ECT2: variants seen among roughly 807,000 people sequenced by gnomAD.
ECT2 encodes the protein epithelial cell transforming 2, also known as protein ECT2.
ECT2 carries 61 observed loss-of-function variants against 116.9 expected under a neutral mutation model. The ratio of observed to expected loss-of-function variants is 0.52; its 90% CI spans 0.42 to 0.65. The LOEUF (loss-of-function observed/expected upper bound fraction) is 0.65. Among genes scored for constraint, ECT2 ranks in the 30% least tolerant of loss-of-function variants. The pLI, the probability that ECT2 is intolerant of heterozygous loss-of-function variation, is 0.00. For missense variants in ECT2, 937 were observed against 1,078.7 expected (o/e 0.87, Z 1.84); for synonymous variants, 358 against 346.4 (o/e 1.03, Z -0.37).
At chr3:172,767,447 AAAG>A (rs1719686778) in intron 12 of ECT2, among the ~76,000 whole-genome samples, 1 of 152,192 alleles carries the variant, frequency 6.6e-6, no homozygotes, top group Non-Finnish European at 1.5e-5. Flanking sequence ...TCTCCAAAAA[AAAG>A]CACTCAGAAC....
intron 13 of ECT2, among the ~76,000 whole-genome samples, chr3:172,773,580 C>T (rs756894896): frequency 2.0e-5 from 3 of 152,170 alleles, no homozygotes; most frequent in Non-Finnish European, 2.9e-5. Flanking sequence ...TTGCTTTCAT[C>T]CTTAGTAACT....
At chr3:172,791,112 C>T (rs1410356579) in intron 18 of ECT2, among the ~76,000 whole-genome samples, 2 of 152,204 alleles carry the variant, frequency 1.3e-5, no homozygotes, top group Non-Finnish European at 2.9e-5. Flanking sequence ...CAAAATTGCA[C>T]CACTGTACTC....
intron 14 of ECT2, among the ~76,000 whole-genome samples, chr3:172,779,077 T>C (rs1215370975): frequency 6.6e-6 from 1 of 152,194 alleles, no homozygotes; most frequent in Non-Finnish European, 1.5e-5. Flanking sequence ...CCCTAACAGA[T>C]AGTTATGCTC....
At position 172,761,631 on chromosome 3, in the gene ECT2, C is replaced by G. The variant is rs768968250; in HGVS notation, c.706C>G (p.Pro236Ala). 46 of 1,610,786 alleles carry G rather than the reference C, an allele frequency of 2.9e-5. No individual in the cohort carries two copies. The highest frequency in any genetic ancestry group is 6.7e-5 in the Admixed American group (4 of 59,818). ...KFRVAVSLGT[P>A]IMKPEWIYKA... ...TTAGGTTGCTGTGAGTCTAGGTACT[C>G]CAATTATGAAGCCAGAATGGATTTA... The change falls in exon 8 of 25, where the codon CCA becomes GCA. Residue 236 changes from proline (P) to alanine (A), a missense_variant. Pro to Ala is a conservative substitution (Grantham distance 27). Coordinates refer to ENST00000392692, the MANE Select transcript of ECT2 (RefSeq NM_001258315.2).
rs1560247791 is a variant in ECT2, at chr3:172,759,058, A to G, written c.565A>G (p.Lys189Glu). Residue 189 changes from lysine (K) to glutamate (E), a missense_variant, in exon 6 of 25, where the codon AAA becomes GAA. Physicochemically the swap from Lys to Glu is moderately conservative, Grantham distance 56. Transcript: ENST00000392692. ...ACTATGCTTTACTGGATTTAGGAAAAAAGAAGAACTAGTAAGTATTACGAA... is the reference window on the plus strand; with the variant it reads ...ACTATGCTTTACTGGATTTAGGAAAGAAGAAGAACTAGTAAGTATTACGAA... ...LVLCFTGFRK[K>E]EELVRLVTLV... is the part of the protein sequence containing the mutation. 6.3e-7 allele frequency: 1 copy of G among 1,594,938 alleles called. No homozygotes were observed.
intron 15 of ECT2, among the ~76,000 whole-genome samples, chr3:172,783,465 A>G (rs1242443282): frequency 6.6e-6 from 1 of 152,124 alleles, no homozygotes; most frequent in Non-Finnish European, 1.5e-5. Context: ...TGCTTTTGGA[A>G]TCTACATAGA....
intron 24 of ECT2, among the ~76,000 whole-genome samples, chr3:172,817,256 C>T (rs774939885): frequency 7.9e-5 from 12 of 152,168 alleles, no homozygotes; most frequent in Middle Eastern, 6.8e-3. Context: ...TCCTATCATA[C>T]GTCATTTTTT....
chr3:172,783,362 C>T (rs908236738), intron 15 of ECT2, among the ~76,000 whole-genome samples: 9 of 152,066 alleles, frequency 5.9e-5, no homozygotes, highest in African/African-American at 1.9e-4. Context: ...TTAATTTTCT[C>T]AGTCAGCCAA....
chr3:172,771,870 C>T (rs188361660), intron 13 of ECT2, among the ~76,000 whole-genome samples: 30 of 152,232 alleles, frequency 2.0e-4, no homozygotes, highest in African/African-American at 4.1e-4. Context: ...TTTTCATTTT[C>T]GTAATGACTA....
chr3:172,802,412 C>T (rs907923382), intron 18 of ECT2, among the ~76,000 whole-genome samples: 10 of 152,100 alleles, frequency 6.6e-5, no homozygotes, highest in Non-Finnish European at 1.3e-4. Flanking sequence ...CGCACCTGGC[C>T]GGAAGTTGCT....
At chr3:172,757,251 T>A in intron 5 of ECT2, 86 bp downstream of exon 5, 1 of 1,069,622 alleles carries the variant, frequency 9.3e-7, no homozygotes, top group South Asian at 2.2e-5. Context: ...TGGAAAAATC[T>A]CATTGATTGC....
At chr3:172,828,724 T>G in the ECT2 span, 1 of 499,694 alleles carries the variant, frequency 2.0e-6, no homozygotes, top group Non-Finnish European at 3.7e-6. Context: ...GTGGCCCCCA[T>G]GGAGCCTCAC....
chr3:172,754,352 AG>A (rs2108354998), intron 1 of ECT2, 156 bp from the exon 2 acceptor site: 1 of 510,040 alleles, frequency 2.0e-6, no homozygotes. Context: ...TTACAGAAAA[AG>A]AAACTGAGGC....
intron 18 of ECT2, among the ~76,000 whole-genome samples, chr3:172,788,402 T>G (rs1003671368): frequency 6.6e-6 from 1 of 152,222 alleles, no homozygotes; most frequent in Non-Finnish European, 1.5e-5. Context: ...ATTTAAAATA[T>G]AGTTTGATTA....
intron 18 of ECT2, among the ~76,000 whole-genome samples, chr3:172,797,412 T>C (rs1012108758): frequency 6.6e-6 from 1 of 152,192 alleles, no homozygotes; most frequent in Non-Finnish European, 1.5e-5. Context: ...TTTCCCCTTT[T>C]GAGAAGGCAT....
chr3:172,829,077 G>A, the ECT2 span: 1 of 702,710 alleles, frequency 1.4e-6, no homozygotes, highest in South Asian at 1.4e-5. Flanking sequence ...AACTCTCTGG[G>A]CTATTCAAGA....
rs1470453842 is a variant in ECT2 at position 172,762,433 on chromosome 3, T to C, written c.776T>C (p.Val259Ala). 1 of 1,593,940 alleles carries C rather than the reference T, an allele frequency of 6.3e-7. No individual in the cohort carries two copies. Among genetic ancestry groups the C allele is most frequent in the Non-Finnish European group, 8.5e-7 (1 of 1,175,598 alleles). Residue 259 changes from valine to alanine, a missense_variant, in exon 9 of 25, where the codon GTT (valine) becomes GCT (alanine). Coordinates refer to ENST00000392692, the MANE Select transcript of ECT2 (RefSeq NM_001258315.2). ...GTTTTTAGGGATTTCTATGCAGCAGTTGATGACTTTAGAAATGAATTTAAA... is the reference window on the plus strand; with the variant it reads ...GTTTTTAGGGATTTCTATGCAGCAGCTGATGACTTTAGAAATGAATTTAAA... The part of the protein sequence containing the change: ...RRNEQDFYAA[V>A]DDFRNEFKVP...
chr3:172,771,008 A>G (rs899792748), intron 13 of ECT2, among the ~76,000 whole-genome samples: 37 of 152,210 alleles, frequency 2.4e-4, no homozygotes, highest in African/African-American at 8.7e-4. Context: ...TGCATCAGAA[A>G]AAGCTTCATA....
intron 18 of ECT2, among the ~76,000 whole-genome samples, 157 bp downstream of exon 18, chr3:172,786,731 G>A (rs1305215643): frequency 6.6e-6 from 1 of 152,114 alleles, no homozygotes; most frequent in African/African-American, 2.4e-5. Context: ...ATGAAGTATT[G>A]TAAGAATACA....
Sources: gnomAD v4.1 joint callset for allele counts (sites outside exome capture counted in the v4.1 genomes callset) on GRCh38, gnomAD v4.1.1 for gene constraint, MANE v1.5 for transcripts, NCBI Gene and HGNC (gene_info 2026-07-23, HGNC 2026-07-21) for gene names.